Variants in GHR observed in about 807,000 individuals in gnomAD.
The protein encoded by GHR is growth hormone receptor.
Under a neutral mutation model 67.1 loss-of-function variants are expected in GHR, and 35 were observed. The observed-to-expected ratio is 0.52, with a 90% CI of 0.40 to 0.69. The LOEUF is 0.69. Among genes scored for constraint, GHR ranks in the 30% least tolerant of loss-of-function variants. The probability of loss-of-function intolerance (pLI) is 0.00; values close to 1 mark genes in which losing one functional copy is unlikely to be tolerated. For synonymous variants in GHR, 272 were observed against 269.1 expected, an observed-to-expected ratio of 1.01 and a Z score of -0.10; for missense variants, 792 against 764.6, an observed-to-expected ratio of 1.04 and a Z score of -0.42.
chr5:42,707,802 C>A (rs1007521641), intron 6 of GHR, among the ~76,000 whole-genome samples: 7 of 151,952 alleles, frequency 4.6e-5, no homozygotes. Context: ...CACACACACA[C>A]GTTTTAAATT....
chr5:42,624,725 GT>G (rs1753617281), intron 2 of GHR, among the ~76,000 whole-genome samples: 1 of 152,136 alleles, frequency 6.6e-6, no homozygotes, highest in African/African-American at 2.4e-5. Flanking sequence ...ATAGTTGTCA[GT>G]TATACAAACT....
rs112106332 is a variant in GHR, at chr5:42,548,307, G to T, written c.-11-17557G>T. ...TTATATATCAAAGCAGAAAGACCAAGAATTTAGAGATTAATACATGCCAAG... is the reference window on the plus strand; with the variant it reads ...TTATATATCAAAGCAGAAAGACCAATAATTTAGAGATTAATACATGCCAAG... On this transcript the variant is annotated intron_variant, in intron 1 of 9. Coordinates refer to ENST00000230882, the MANE Select transcript of GHR (RefSeq NM_000163.5). 2.6e-4 allele frequency: 258 copies of T among 985,274 alleles called. No homozygotes were observed. The African/African-American group carries it at 4.3e-3, about 16-fold the overall frequency. The allele number at this position is 985,274 out of a possible 1,614,324, so 61.0% of individuals were successfully genotyped here.
At chr5:42,547,527 T>C (rs1205915550) in intron 1 of GHR, among the ~76,000 whole-genome samples, 4 of 152,338 alleles carry the variant, frequency 2.6e-5, no homozygotes, top group Non-Finnish European at 5.9e-5. Context: ...TTTAGTATTT[T>C]ATACCTTTTA....
chr5:42,646,281 G>A, intron 3 of GHR: 1 of 448,698 alleles, frequency 2.2e-6, no homozygotes, highest in South Asian at 1.6e-5. Context: ...AATGAACCCT[G>A]CAAATTGAAC....
At chr5:42,529,473 T>A (rs989597283) in intron 1 of GHR, among the ~76,000 whole-genome samples, 1 of 152,332 alleles carries the variant, frequency 6.6e-6, no homozygotes, top group East Asian at 1.9e-4. Flanking sequence ...CTTGTTAAAA[T>A]CATGGTCACC....
intron 1 of GHR, among the ~76,000 whole-genome samples, chr5:42,539,140 C>T (rs1748390069): frequency 6.6e-6 from 1 of 152,084 alleles, no homozygotes; most frequent in Non-Finnish European, 1.5e-5. Context: ...TCTAGTGCCT[C>T]CCTGATTAGC....
intron 3 of GHR, among the ~76,000 whole-genome samples, chr5:42,629,647 C>A (rs1172894178): frequency 7.6e-6 from 1 of 131,296 alleles, no homozygotes; most frequent in Non-Finnish European, 1.6e-5. Flanking sequence ...GCAATGAAAA[C>A]AAACTAATAC....
rs1239561791 is a variant in GHR at position 42,719,778 on chromosome 5, G to A, written c.*354G>A. Reference sequence around the variant, plus strand: ...CTTTTTGAAAAAGCGAAAAAATCAGGTGGCTTTTGCGGTTCAGGAAAATTG... The same window carrying A: ...CTTTTTGAAAAAGCGAAAAAATCAGATGGCTTTTGCGGTTCAGGAAAATTG... On this transcript the variant is annotated 3_prime_UTR_variant, in exon 10 of 10. Transcript: ENST00000230882. 1.0e-5 allele frequency: 3 copies of A among 296,548 alleles called. No homozygotes were observed. The highest frequency in any genetic ancestry group is 1.9e-5 in the Non-Finnish European group (3 of 153,902). 18.4% of individuals were successfully genotyped at this position (296,548 alleles called of 1,614,324 possible). A position where few individuals can be genotyped will look rare whatever the true frequency, so the allele number is the denominator to read the frequency against.
chr5:42,482,687 C>T (rs957480380), intron 1 of GHR, among the ~76,000 whole-genome samples: 5 of 152,156 alleles, frequency 3.3e-5, no homozygotes, highest in Admixed American at 6.5e-5. Flanking sequence ...GAGCCAGGTG[C>T]GGGATATAAT....
chr5:42,687,195 A>G (rs1757202107), intron 3 of GHR, among the ~76,000 whole-genome samples: 1 of 152,256 alleles, frequency 6.6e-6, no homozygotes, highest in South Asian at 2.1e-4. Context: ...AAATGGAAAA[A>G]CATCCTCATG....
chr5:42,435,754 A>G (rs1052813576), intron 1 of GHR, among the ~76,000 whole-genome samples: 2 of 152,186 alleles, frequency 1.3e-5, no homozygotes, highest in Non-Finnish European at 2.9e-5. Flanking sequence ...AGAAGCGTGC[A>G]CTGCTTTTGA....
At chr5:42,517,367 G>A (rs1420051458) in intron 1 of GHR, among the ~76,000 whole-genome samples, 1 of 152,222 alleles carries the variant, frequency 6.6e-6, no homozygotes, top group Non-Finnish European at 1.5e-5. Flanking sequence ...AGGCAGGGAT[G>A]TGTCTGTGTT....
At chr5:42,678,484 GGATAATCCCT>G (rs1264154600) in intron 3 of GHR, among the ~76,000 whole-genome samples, 1 of 152,052 alleles carries the variant, frequency 6.6e-6, no homozygotes, top group Non-Finnish European at 1.5e-5. Context: ...TAATTCACTA[GGATAATCCCT>G]GATCGCCATG....
chr5:42,457,354 G>C (rs954344950), intron 1 of GHR, among the ~76,000 whole-genome samples: 1 of 152,116 alleles, frequency 6.6e-6, no homozygotes. Flanking sequence ...ATTTTAAAAA[G>C]TCACACTATC....
intron 2 of GHR, among the ~76,000 whole-genome samples, chr5:42,577,955 A>T (rs546973169): frequency 6.6e-6 from 1 of 152,212 alleles, no homozygotes; most frequent in Non-Finnish European, 1.5e-5. Context: ...TTCCTATACG[A>T]TATACTTAAT....
chr5:42,470,715 A>G (rs1744976728), intron 1 of GHR, among the ~76,000 whole-genome samples: 1 of 152,092 alleles, frequency 6.6e-6, no homozygotes, highest in Admixed American at 6.6e-5. Context: ...CTTGCTTTCC[A>G]TGAGGTCCAT....
At chr5:42,584,786 TAC>T (rs35457239) in intron 2 of GHR, among the ~76,000 whole-genome samples, 5,348 of 147,738 alleles carry the variant, frequency 0.036, 205 homozygotes, top group African/African-American at 0.1. Flanking sequence ...CTAGAATGTA[TAC>T]ACACACACAC....
chr5:42,514,515 T>C (rs1414200431), intron 1 of GHR, among the ~76,000 whole-genome samples: 1 of 151,764 alleles, frequency 6.6e-6, no homozygotes, highest in Non-Finnish European at 1.5e-5. Flanking sequence ...GGATACCCTA[T>C]AACCAATATA....
chr5:42,603,620 G>C (rs932538417), intron 2 of GHR, among the ~76,000 whole-genome samples: 1 of 151,778 alleles, frequency 6.6e-6, no homozygotes, highest in Non-Finnish European at 1.5e-5. Flanking sequence ...GTTTGATTTA[G>C]TCTTCTCTTG....
Sources: allele counts gnomAD v4.1 joint callset (sites outside exome capture counted in the v4.1 genomes callset), GRCh38; gene constraint gnomAD v4.1.1; transcripts MANE v1.5; gene names NCBI Gene and HGNC (gene_info 2026-07-23, HGNC 2026-07-21).